The following SLC12A6 variants were observed in gnomAD, a reference collection of about 807,000 sequenced individuals.
SLC12A6 encodes the protein K-Cl cotransporter 3.
A neutral mutation model predicts 135.3 loss-of-function variants in SLC12A6; 66 were observed. The observed-to-expected ratio is 0.49, with a 90% confidence interval of 0.40 to 0.60. SLC12A6 has a LOEUF of 0.60. Ranked by LOEUF, SLC12A6 falls within the 20% of genes least tolerant of loss-of-function variation. The pLI is 0.00. For synonymous variants in SLC12A6, 513 were observed against 508.8 expected (o/e 1.01, Z -0.11); for missense variants, 1,058 against 1,452.3 (o/e 0.73, Z 4.41).
At chr15:34,260,389 G>T (rs1268368954) in intron 4 of SLC12A6, among the ~76,000 whole-genome samples, 1 of 152,134 alleles carries the variant, frequency 6.6e-6, no homozygotes, top group Non-Finnish European at 1.5e-5. Context: ...CTCCCGAGTA[G>T]CTGGGACCAC....
chr15:34,247,340 A>ACCCCC (rs906040125), intron 13 of SLC12A6, among the ~76,000 whole-genome samples: 1 of 151,924 alleles, frequency 6.6e-6, no homozygotes, highest in Non-Finnish European at 1.5e-5. Context: ...ACACAGTGAA[A>ACCCCC]CCCCATCTCT....
At chr15:34,235,669 C>G (rs1891213011) in intron 24 of SLC12A6, among the ~76,000 whole-genome samples, 1 of 152,040 alleles carries the variant, frequency 6.6e-6, no homozygotes, top group Non-Finnish European at 1.5e-5. Context: ...AACTCCTGAC[C>G]TCAGGTGATC....
chr15:34,240,602 C>CTTAA (rs1407004049), intron 19 of SLC12A6, 59 bp downstream of exon 19: 52 of 1,414,168 alleles, frequency 3.7e-5, no homozygotes, highest in Non-Finnish European at 4.9e-5. Context: ...TGAGGTCTTA[C>CTTAA]TACTTAACAT....
chr15:34,239,203 G>A (rs753465518), intron 19 of SLC12A6, 43 bp from the exon 20 acceptor site: 1 of 1,415,268 alleles, frequency 7.1e-7, no homozygotes, highest in East Asian at 2.3e-5. Flanking sequence ...GGTTCACTCT[G>A]GACATTTTAA....
At position 34,300,807 on chromosome 15, in the gene SLC12A6, A is replaced by G. The variant is rs992941532; in HGVS notation, c.272-25418T>C. 1.3e-3 allele frequency among the ~76,000 whole-genome samples: 201 copies of G among 151,416 alleles called. 1 individual carries two copies. Among genetic ancestry groups the G allele is most frequent in the Middle Eastern group, 3.4e-3 (1 of 292 alleles). On this transcript the variant is annotated intron_variant, in intron 2 of 25. Transcript: ENST00000354181. ...TGACTCCGTCTCAAAAAAAAAAAAA[A>G]AAAAAAAAGAATGAGAGGAGCAGGT...
chr15:34,294,739 T>C (rs535736577), intron 2 of SLC12A6, among the ~76,000 whole-genome samples: 1 of 152,114 alleles, frequency 6.6e-6, no homozygotes, highest in Non-Finnish European at 1.5e-5. Flanking sequence ...GGCTAATTTA[T>C]TTGGTAGAGA....
chr15:34,328,289 G>A (rs1033839969), intron 2 of SLC12A6, among the ~76,000 whole-genome samples: 1 of 152,058 alleles, frequency 6.6e-6, no homozygotes, highest in East Asian at 1.9e-4. Context: ...TTCAGGTTTC[G>A]CAAAGCCCCT....
chr15:34,279,652 T>G (rs1236869610), intron 2 of SLC12A6, among the ~76,000 whole-genome samples: 1 of 152,228 alleles, frequency 6.6e-6, no homozygotes, highest in Admixed American at 6.5e-5. Context: ...TTACTCAAAA[T>G]GACATTTATT....
In SLC12A6 at chr15:34,235,199, G is replaced by C; in HGVS notation, c.3343C>G (p.Pro1115Ala). The change falls in exon 25 of 26, where the codon CCT becomes GCT. Residue 1115 changes from proline to alanine, a missense_variant. This residue lies in a region of SLC12A6 where 245 missense variants were observed against 440.8 expected (regional missense o/e 0.56). Transcript: ENST00000354181. Reference protein sequence around the residue: ...LLNMPGPPRNPEGDENYMEFL... With the variant: ...LLNMPGPPRNAEGDENYMEFL... ...AGGATACAGTTTTCATCACCCTCAG[G>C]GTTTCGGGGTGGCCCTGGCATATTC... 6.2e-7 allele frequency: 1 copy of C among 1,614,004 alleles called. No homozygotes were observed.
intron 2 of SLC12A6, among the ~76,000 whole-genome samples, chr15:34,284,277 C>CTTTTTTTTTTTTTTTTTTTT (rs71415558): frequency 3.2e-5 from 3 of 92,488 alleles, no homozygotes; most frequent in African/African-American, 1.3e-4. Context: ...TGTTTCTTTT[C>CTTTTTTTTTTTTTTTTTTTT]TTTTTTTTTT....
intron 3 of SLC12A6, among the ~76,000 whole-genome samples, chr15:34,261,456 C>T (rs112200707): frequency 0.02 from 3,019 of 152,208 alleles, 111 homozygotes; most frequent in African/African-American, 0.07. Context: ...CCACCATGCC[C>T]AGCTAATTTG....
intron 3 of SLC12A6, 99 bp downstream of exon 3, chr15:34,275,246 G>A: frequency 4.3e-6 from 3 of 692,334 alleles, no homozygotes; most frequent in African/African-American, 1.8e-5. Flanking sequence ...TAGAAAAGGA[G>A]GGGATAGAAA....
rs1029919719 is a variant in SLC12A6, at chr15:34,235,109, T to C, written c.3361+72A>G. The C allele has an allele frequency of 4.4e-6, 6 of 1,357,194 alleles. No homozygotes were observed. In the Admixed American group the frequency reaches 5.0e-5, roughly 11 times the overall value. 84.1% of individuals were successfully genotyped at this position (1,357,194 alleles called of 1,614,324 possible). On this transcript the variant is annotated intron_variant, in intron 25 of 25. Transcript: ENST00000354181. ...GTGGGGCATAGACAATGACTTTTAT[T>C]GTTACCTAGTTATCTCAGAAAGAGG...
chr15:34,285,365 GATTGGCT>G, intron 2 of SLC12A6, among the ~76,000 whole-genome samples: 1 of 152,278 alleles, frequency 6.6e-6, no homozygotes, highest in South Asian at 2.1e-4. Flanking sequence ...GCATGCTGAT[GATTGGCT>G]ACAGGGTGGG....
chr15:34,333,390 T>G (rs1889991451), intron 2 of SLC12A6, among the ~76,000 whole-genome samples: 1 of 152,000 alleles, frequency 6.6e-6, no homozygotes, highest in Non-Finnish European at 1.5e-5. Flanking sequence ...CCGTCACGCC[T>G]GGCTAATTTT....
intron 13 of SLC12A6, among the ~76,000 whole-genome samples, chr15:34,246,218 C>A (rs953620499): frequency 2.0e-5 from 3 of 152,082 alleles, no homozygotes; most frequent in Admixed American, 1.3e-4. Flanking sequence ...CAGGCGTGAA[C>A]CACTGCGTCC....
chr15:34,313,652 T>C (rs1469207545), intron 2 of SLC12A6, among the ~76,000 whole-genome samples: 2 of 152,186 alleles, frequency 1.3e-5, no homozygotes, highest in East Asian at 1.9e-4. Context: ...CAGTCTTATG[T>C]TGGAAGAAGA....
intron 2 of SLC12A6, among the ~76,000 whole-genome samples, chr15:34,334,776 G>A (rs1414605316): frequency 6.6e-6 from 1 of 152,050 alleles, no homozygotes; most frequent in Non-Finnish European, 1.5e-5. Context: ...ACTTAGATAT[G>A]TCCCCATTTT....
chr15:34,257,995 T>G (rs1892867977), intron 5 of SLC12A6, among the ~76,000 whole-genome samples: 2 of 52,138 alleles, frequency 3.8e-5, no homozygotes, highest in African/African-American at 7.8e-5. Context: ...AGCTATATAT[T>G]TTAACTTTAC....
Sources: gnomAD v4.1 joint callset for allele counts (sites outside exome capture counted in the v4.1 genomes callset) on GRCh38, gnomAD v4.1.1 for gene constraint, gnomAD v4.1.1 regional missense constraint, MANE v1.5 for transcripts, NCBI Gene and HGNC (gene_info 2026-07-23, HGNC 2026-07-21) for gene names.